ALDH3A1: variants seen among roughly 807,000 people sequenced by gnomAD.
The protein encoded by ALDH3A1 is aldehyde dehydrogenase 3 family member A1.
ALDH3A1 carries 46 observed loss-of-function variants against 49.9 expected under a neutral mutation model. The observed-to-expected ratio is 0.92, with a 90% CI of 0.73 to 1.18. The LOEUF (loss-of-function observed/expected upper bound fraction) is 1.18. Among genes scored for constraint, ALDH3A1 ranks in the 50% most tolerant of loss-of-function variants. The probability of loss-of-function intolerance (pLI) is 0.00; values close to 1 mark genes in which losing one functional copy is unlikely to be tolerated. For synonymous variants in ALDH3A1, 269 were observed against 253.3 expected, an observed-to-expected ratio of 1.06 and a Z score of -0.59; for missense variants, 592 against 611.8, an observed-to-expected ratio of 0.97 and a Z score of 0.34.
intron 1 of ALDH3A1, among the ~76,000 whole-genome samples, chr17:19,746,680 TGTGC>T (rs1567657379): frequency 6.2e-5 from 9 of 145,690 alleles, no homozygotes; most frequent in Non-Finnish European, 1.4e-4. Flanking sequence ...TGTGTGTGCA[TGTGC>T]GTGTGTGTGT....
chr17:19,742,592 T>A lies in ALDH3A1; in HGVS notation c.433A>T (p.Asn145Tyr), dbSNP rs1567653303. Reference sequence around the variant, plus strand: ...ATGGTAGCCAGCAGGCTCGCCATGTTCTCACTCAGCTCCGAGGGCTTGAGG... The same window carrying A: ...ATGGTAGCCAGCAGGCTCGCCATGTACTCACTCAGCTCCGAGGGCTTGAGG... The part of the protein sequence containing the change: ...VVLKPSELSE[N>Y]MASLLATIIP... The change falls in exon 4 of 11, where the codon AAC becomes TAC. Residue 145 changes from asparagine to tyrosine, a missense_variant. Asn to Tyr is a moderately radical substitution (Grantham distance 143). Coordinates refer to ENST00000225740, the MANE Select transcript of ALDH3A1 (RefSeq NM_000691.5). 6.2e-7 allele frequency: 1 copy of A among 1,614,024 alleles called. No homozygotes were observed. The highest frequency in any genetic ancestry group is 1.7e-5 in the Admixed American group (1 of 60,024).
At chr17:19,738,944 G>T in intron 9 of ALDH3A1, 52 bp downstream of exon 9, 1 of 1,517,274 alleles carries the variant, frequency 6.6e-7, no homozygotes, top group Non-Finnish European at 9.0e-7. Context: ...CTGGGTGAGT[G>T]TGCCCAGCCC....
At chr17:19,740,577 G>A in intron 6 of ALDH3A1, 100 bp from the exon 7 acceptor site, 1 of 1,383,050 alleles carries the variant, frequency 7.2e-7, no homozygotes, top group Non-Finnish European at 9.9e-7. Flanking sequence ...TTGGGTGGTG[G>A]GATTCTGGGT....
chr17:19,742,508 A>G, intron 4 of ALDH3A1, 37 bp downstream of exon 4: 1 of 1,594,998 alleles, frequency 6.3e-7, no homozygotes, highest in Non-Finnish European at 8.6e-7. Context: ...CTCAGTTATG[A>G]GGCCATGGAG....
chr17:19,743,472 A>G lies in ALDH3A1; in HGVS notation c.163-9T>C. 1 of 1,584,100 alleles carries G rather than the reference A, an allele frequency of 6.3e-7. No homozygotes were observed. The highest frequency in any genetic ancestry group is 8.6e-7 in the Non-Finnish European group (1 of 1,162,364). On this transcript the variant is annotated splice_polypyrimidine_tract_variant and intron_variant, in intron 2 of 10. Transcript: ENST00000225740. The surrounding 1 kb of genome is among the most constrained non-coding windows in gnomAD (Gnocchi z 4.4). ...TAGGCGTTCCATTCATTCTGCAGCGACAGAGCCGGAGTGAGCTTCCAGGGC... is the reference window on the plus strand; with the variant it reads ...TAGGCGTTCCATTCATTCTGCAGCGGCAGAGCCGGAGTGAGCTTCCAGGGC...
At chr17:19,738,494 C>G in intron 9 of ALDH3A1, 41 bp from the exon 10 acceptor site, 1 of 1,589,190 alleles carries the variant, frequency 6.3e-7, no homozygotes. Flanking sequence ...CATCCTGCCC[C>G]CAGGACGCCC....
At chr17:19,742,325 A>C in intron 4 of ALDH3A1, 113 bp from the exon 5 acceptor site, 1 of 1,243,782 alleles carries the variant, frequency 8.0e-7, no homozygotes, top group African/African-American at 1.5e-5. Context: ...TCAGCACCCC[A>C]CCTTGGGCGG....
In ALDH3A1 at chr17:19,740,096, G is replaced by A; in HGVS notation, c.949+240C>T. On this transcript the variant is annotated intron_variant, in intron 7 of 10. Coordinates refer to ENST00000225740, the MANE Select transcript of ALDH3A1 (RefSeq NM_000691.5). Reference sequence around the variant, plus strand: ...TGTCCCTGCTCCTGCTGCTTCAGAGGGGCAGGGAGATGAGGCCCCTCTTTC... The same window carrying A: ...TGTCCCTGCTCCTGCTGCTTCAGAGAGGCAGGGAGATGAGGCCCCTCTTTC... The A allele has an allele frequency of 5.7e-6, 3 of 530,786 alleles. No homozygotes were observed. The South Asian group carries it at 8.7e-5, about 15-fold the overall frequency. 32.9% of individuals were successfully genotyped at this position (530,786 alleles called of 1,614,324 possible). A position where few individuals can be genotyped will look rare whatever the true frequency, so the allele number is the denominator to read the frequency against.
rs537010194 is a variant in ALDH3A1 at position 19,746,132 on chromosome 17, C to T, written c.-5-998G>A. 3.9e-5 allele frequency among the ~76,000 whole-genome samples: 6 copies of T among 152,282 alleles called. No individual in the cohort carries two copies. The South Asian group carries it at 1.2e-3, about 32-fold the overall frequency. ...GGGCGCGGTGGCTCACGCCTATAAT[C>T]CTAGCAAACACTTTGGGAGGCTGAG... On this transcript the variant is annotated intron_variant, in intron 1 of 10. Transcript: ENST00000225740.
Position 19,745,116 on chromosome 17 carries a change from C to A in ALDH3A1, c.14G>T (p.Ser5Ile), listed in dbSNP as rs749245878. 2.0e-5 allele frequency: 31 copies of A among 1,580,068 alleles called. No homozygotes were observed. The African/African-American group carries it at 3.4e-4, about 17-fold the overall frequency. MSKI[S>I]EAVKRARAAF... ...GGCGCGGGCGCGCTTCACGGCCTCG[C>A]TGATCTTGCTCATGGCGCCTGGGGA... Residue 5 changes from serine to isoleucine, a missense_variant, in exon 2 of 11, where the codon AGC becomes ATC. Transcript: ENST00000225740.
At chr17:19,742,773 C>T in intron 3 of ALDH3A1, 143 bp from the exon 4 acceptor site, 1 of 1,540,428 alleles carries the variant, frequency 6.5e-7, no homozygotes, top group Non-Finnish European at 8.7e-7. Flanking sequence ...AAGCACATGT[C>T]ACGGGGCACA....
chr17:19,744,120 C>G, intron 2 of ALDH3A1: 1 of 985,266 alleles, frequency 1.0e-6, no homozygotes, highest in Non-Finnish European at 1.2e-6. Flanking sequence ...GTAGCAGGCC[C>G]GGCGCTGTGG....
In ALDH3A1 at chr17:19,740,389, T is replaced by C; in HGVS notation, c.896A>G (p.Glu299Gly). ...GCCCCCATAAGCCACCTTCTGGCCC[T>C]CAATCAGGCCCATCACCCTCTGGAA... Reference protein sequence around the residue: ...RHFQRVMGLIEGQKVAYGGTG... With the variant: ...RHFQRVMGLIGGQKVAYGGTG... The change falls in exon 7 of 11, where the codon GAG becomes GGG. Residue 299 changes from glutamate to glycine, a missense_variant. Glu to Gly is a moderately conservative substitution (Grantham distance 98, BLOSUM62 -2). Coordinates refer to ENST00000225740, the MANE Select transcript of ALDH3A1 (RefSeq NM_000691.5). The C allele has an allele frequency of 6.2e-7, 1 of 1,614,126 alleles. No homozygotes were observed. Among genetic ancestry groups the C allele is most frequent in the Non-Finnish European group, 8.5e-7 (1 of 1,180,032 alleles).
intron 1 of ALDH3A1, among the ~76,000 whole-genome samples, chr17:19,747,283 C>T (rs1015260843): frequency 2.0e-5 from 3 of 152,120 alleles, no homozygotes; most frequent in Non-Finnish European, 4.4e-5. Flanking sequence ...GAGGGACCTG[C>T]TGGCATTGAG....
chr17:19,745,082 G>T lies in ALDH3A1; in HGVS notation c.48C>A (p.Ser16Arg), dbSNP rs2086576259. ...ACTGCAGCGGACGGGTCCTGCCCGA[G>T]CTGAAGGCGGCGCGGGCGCGCTTCA... ...EAVKRARAAF[S>R]SGRTRPLQFR... Residue 16 changes from serine (S) to arginine (R), a missense_variant, in exon 2 of 11, where the codon AGC becomes AGA. By Grantham distance (110) the Ser-to-Arg change is moderately radical. Coordinates refer to ENST00000225740, the MANE Select transcript of ALDH3A1 (RefSeq NM_000691.5). 19 of 1,592,736 alleles carry T rather than the reference G, an allele frequency of 1.2e-5. No homozygotes were observed. The highest frequency in any genetic ancestry group is 1.6e-5 in the Non-Finnish European group (19 of 1,175,768).
Position 19,742,092 on chromosome 17 carries a change from C to T in ALDH3A1, c.601G>A (p.Ala201Thr). ...AGCGTGACAGGGGTCAGGTGCTTGGCAGCAGCCGTCATGATGATCTTCCCC... is the reference window on the plus strand; with the variant it reads ...AGCGTGACAGGGGTCAGGTGCTTGGTAGCAGCCGTCATGATGATCTTCCCC... ...GVGKIIMTAA[A>T]KHLTPVTLEL... The change falls in exon 5 of 11, where the codon GCC (alanine) becomes ACC (threonine). Residue 201 changes from alanine (A) to threonine (T), a missense_variant. By Grantham distance (58) the Ala-to-Thr change is moderately conservative. Coordinates refer to ENST00000225740, the MANE Select transcript of ALDH3A1 (RefSeq NM_000691.5). 7 of 1,614,020 alleles carry T rather than the reference C, an allele frequency of 4.3e-6. No homozygotes were observed. The highest frequency in any genetic ancestry group is 5.9e-6 in the Non-Finnish European group (7 of 1,180,020).
intron 1 of ALDH3A1, among the ~76,000 whole-genome samples, chr17:19,746,008 G>A (rs954019456): frequency 6.6e-6 from 1 of 152,204 alleles, no homozygotes; most frequent in Non-Finnish European, 1.5e-5. Flanking sequence ...AGTATTTAGG[G>A]ATTAGGTGGA....
intron 9 of ALDH3A1, 172 bp from the exon 10 acceptor site, chr17:19,738,625 G>A: frequency 9.8e-7 from 1 of 1,021,370 alleles, no homozygotes; most frequent in Non-Finnish European, 1.4e-6. Context: ...CCAGCCCCAG[G>A]TTGTGGCCCT....
At chr17:19,742,743 T>C in intron 3 of ALDH3A1, 113 bp from the exon 4 acceptor site, 1 of 1,568,366 alleles carries the variant, frequency 6.4e-7, no homozygotes, top group Non-Finnish European at 8.6e-7. Context: ...GGACAGTGGA[T>C]GGAAGAGTTG....
Sources: gnomAD v4.1 joint callset for allele counts (sites outside exome capture counted in the v4.1 genomes callset) on GRCh38, gnomAD v4.1.1 for gene constraint, Gnocchi (gnomAD v3.1) non-coding constraint, MANE v1.5 for transcripts, NCBI Gene and HGNC (gene_info 2026-07-23, HGNC 2026-07-21) for gene names.